Variants in PADI1 observed in about 807,000 individuals in gnomAD.
PADI1 encodes the protein peptidyl arginine deiminase 1, also known as protein-arginine deiminase type-1.
A neutral mutation model predicts 74.8 loss-of-function variants in PADI1; 65 were observed. That is an observed-to-expected ratio of 0.87 (90% CI 0.71 to 1.07). The LOEUF (loss-of-function observed/expected upper bound fraction) is 1.07. Ranked by LOEUF, PADI1 falls within the 50% of genes least tolerant of loss-of-function variation. The probability of loss-of-function intolerance (pLI) is 0.00; values close to 1 mark genes in which losing one functional copy is unlikely to be tolerated. For missense variants in PADI1, 943 were observed against 854.0 expected, an observed-to-expected ratio of 1.10 and a Z score of -1.30; for synonymous variants, 371 against 336.2, an observed-to-expected ratio of 1.10 and a Z score of -1.13.
At chr1:17,237,207 G>A (rs943043849) in intron 11 of PADI1, 107 bp from the exon 12 acceptor site, 1 of 1,311,778 alleles carries the variant, frequency 7.6e-7, no homozygotes, top group African/African-American at 1.5e-5. Context: ...CGTTTAAAGC[G>A]TTCTTTGAGC....
At chr1:17,229,196 G>A in intron 8 of PADI1, 145 bp downstream of exon 8, 1 of 649,248 alleles carries the variant, frequency 1.5e-6, no homozygotes. Context: ...GACAGCAGCA[G>A]GTGGGCTGGG....
rs752786735 is a variant in PADI1 at position 17,228,659 on chromosome 1, G to A, written c.687G>A (p.Leu229=). ...CTCTCTCGGACTACAAACAGGTGCTGGGGCCCCAGTGTCTGTCCTATGAAG... is the reference window on the plus strand; with the variant it reads ...CTCTCTCGGACTACAAACAGGTGCTAGGGCCCCAGTGTCTGTCCTATGAAG... ...GNSLSDYKQV[L]GPQCLSYEVE... The change falls in exon 7 of 16, where the codon CTG becomes CTA. Residue 229 remains leucine (L), a synonymous_variant. Coordinates refer to ENST00000375471, the MANE Select transcript of PADI1 (RefSeq NM_013358.3). 2 of 1,614,048 alleles carry A rather than the reference G, an allele frequency of 1.2e-6. No individual in the cohort carries two copies.
At chr1:17,226,894 CA>C (rs1215202913) in intron 6 of PADI1, among the ~76,000 whole-genome samples, 1 of 151,894 alleles carries the variant, frequency 6.6e-6, no homozygotes, top group Admixed American at 6.6e-5. Flanking sequence ...CTAAAAAATA[CA>C]AAAAAATTAG....
intron 6 of PADI1, among the ~76,000 whole-genome samples, chr1:17,226,604 T>A (rs535726894): frequency 2.0e-5 from 3 of 152,292 alleles, no homozygotes; most frequent in African/African-American, 7.2e-5. Context: ...CATCAGAGTT[T>A]TTATTAATCA....
chr1:17,238,449 C>G (rs554350673), intron 12 of PADI1, among the ~76,000 whole-genome samples, 167 bp from the exon 13 acceptor site: 1 of 152,290 alleles, frequency 6.6e-6, no homozygotes, highest in Non-Finnish European at 1.5e-5. Context: ...TGGGAACCTG[C>G]TTGGAGGACT....
chr1:17,229,626 G>T (rs2072428979), intron 8 of PADI1, among the ~76,000 whole-genome samples: 1 of 152,220 alleles, frequency 6.6e-6, no homozygotes, highest in Non-Finnish European at 1.5e-5. Flanking sequence ...GCTGGGAAGG[G>T]TGTGGCCAAA....
chr1:17,244,316 A>G lies in PADI1; in HGVS notation c.*73A>G, dbSNP rs1278472262. The G allele has an allele frequency of 9.0e-7, 1 of 1,111,546 alleles. No homozygotes were observed. The highest frequency in any genetic ancestry group is 1.4e-6 in the Non-Finnish European group (1 of 725,290). 68.9% of individuals were successfully genotyped at this position (1,111,546 alleles called of 1,614,324 possible). ...GCCAGGGTGAAGGCAAGGAACAACC[A>G]CCTGGCCTCCATTCTCTTGGGGGAG... On this transcript the variant is annotated 3_prime_UTR_variant, in exon 16 of 16. Transcript: ENST00000375471.
At chr1:17,242,219 C>T (rs2072792028) in intron 15 of PADI1, among the ~76,000 whole-genome samples, 1 of 152,184 alleles carries the variant, frequency 6.6e-6, no homozygotes, top group South Asian at 2.1e-4. Context: ...CCAGATGTGA[C>T]AACCAAAAAT....
chr1:17,216,406 G>A (rs1232190009), intron 1 of PADI1, among the ~76,000 whole-genome samples: 1 of 151,934 alleles, frequency 6.6e-6, no homozygotes, highest in Non-Finnish European at 1.5e-5. Flanking sequence ...GATGGGATTT[G>A]CTGAGGGGCT....
chr1:17,230,431 G>A (rs1400063820), intron 9 of PADI1, 141 bp from the exon 10 acceptor site: 6 of 722,752 alleles, frequency 8.3e-6, no homozygotes, highest in Non-Finnish European at 1.4e-5. Flanking sequence ...GGTCCTAAGA[G>A]GCCTCACTTC....
intron 1 of PADI1, among the ~76,000 whole-genome samples, chr1:17,219,103 A>G (rs189376101): frequency 6.6e-6 from 1 of 152,326 alleles, no homozygotes; most frequent in Non-Finnish European, 1.5e-5. Context: ...CAAGTGAACC[A>G]TGGTCAGCCG....
At chr1:17,227,359 G>A (rs1418081586) in intron 6 of PADI1, among the ~76,000 whole-genome samples, 1 of 151,552 alleles carries the variant, frequency 6.6e-6, no homozygotes, top group African/African-American at 2.4e-5. Context: ...ACCAGCCTGG[G>A]CAACATGGCA....
chr1:17,210,901 C>G (rs77623251), intron 1 of PADI1, among the ~76,000 whole-genome samples: 2,323 of 152,286 alleles, frequency 0.015, 53 homozygotes, highest in African/African-American at 0.051. Context: ...TGGTCTTTTC[C>G]CCAGGGCCGT....
rs116233494 is a variant in PADI1 at position 17,224,014 on chromosome 1, G to A, written c.346+321G>A. ...GCACGGAACGTGCCCCCTTCAGCCA[G>A]GGCCAGGGTCAATGTAACGGCAGAA... is the stretch of plus-strand genomic sequence containing the variant. On this transcript the variant is annotated intron_variant, in intron 3 of 15. Transcript: ENST00000375471. 5.4e-3 allele frequency among the ~76,000 whole-genome samples: 818 copies of A among 152,354 alleles called. 8 individuals are homozygous for A. The highest frequency in any genetic ancestry group is 0.017 in the African/African-American group (725 of 41,586).
chr1:17,243,953 C>A, intron 15 of PADI1, 57 bp from the exon 16 acceptor site: 2 of 1,248,224 alleles, frequency 1.6e-6, no homozygotes, highest in Middle Eastern at 1.9e-4. Context: ...GGAAGGGGTG[C>A]CAGAAGCACA....
intron 1 of PADI1, among the ~76,000 whole-genome samples, chr1:17,220,379 C>T (rs1418164722): frequency 1.3e-5 from 2 of 151,956 alleles, no homozygotes; most frequent in Non-Finnish European, 2.9e-5. Context: ...CTCCAGAGGG[C>T]TGAATATTTG....
chr1:17,236,041 A>G (rs888241116), intron 11 of PADI1, among the ~76,000 whole-genome samples: 9 of 152,158 alleles, frequency 5.9e-5, no homozygotes, highest in Non-Finnish European at 1.5e-5. Flanking sequence ...TTAGGACCAC[A>G]TAGCAAGTTA....
chr1:17,239,666 T>A (rs1458892894), intron 13 of PADI1, 38 bp from the exon 14 acceptor site: 2 of 1,510,600 alleles, frequency 1.3e-6, no homozygotes, highest in Admixed American at 3.3e-5. Context: ...CTCCAGGCAG[T>A]GCTCCCTGAG....
At chr1:17,225,728 G>A (rs1233911853) in intron 4 of PADI1, 83 bp from the exon 5 acceptor site, 12 of 873,532 alleles carry the variant, frequency 1.4e-5, no homozygotes, top group Non-Finnish European at 2.2e-5. Flanking sequence ...ATCTAATAAA[G>A]CAGCCCGCCC....
Sources: gnomAD v4.1 joint callset for allele counts (sites outside exome capture counted in the v4.1 genomes callset) on GRCh38, gnomAD v4.1.1 for gene constraint, MANE v1.5 for transcripts, NCBI Gene and HGNC (gene_info 2026-07-23, HGNC 2026-07-21) for gene names.